The following ACSM6 variants were observed in gnomAD, a reference collection of about 807,000 sequenced individuals.
The protein encoded by ACSM6 is acyl-CoA synthetase medium chain family member 6.
Under a neutral mutation model 51.1 loss-of-function variants are expected in ACSM6, and 35 were observed. The ratio of observed to expected loss-of-function variants is 0.69; its 90% CI spans 0.52 to 0.91. The LOEUF is 0.91. ACSM6 is among the 40% of genes least tolerant of loss of function. The pLI is 0.00. For missense variants in ACSM6, 509 were observed against 584.1 expected (o/e 0.87, Z 1.32); for synonymous variants, 172 against 207.3 (o/e 0.83, Z 1.46).
chr10:95,216,205 A>T (rs971791644), intron 8 of ACSM6, among the ~76,000 whole-genome samples: 1 of 152,094 alleles, frequency 6.6e-6, no homozygotes, highest in African/African-American at 2.4e-5. Flanking sequence ...CATATCCAAG[A>T]TGACAGACAC....
intron 8 of ACSM6, among the ~76,000 whole-genome samples, chr10:95,217,540 G>A (rs1254672089): frequency 6.6e-6 from 1 of 151,976 alleles, no homozygotes; most frequent in Non-Finnish European, 1.5e-5. Context: ...GGGGGGCAGG[G>A]GGATTTCTTA....
chr10:95,201,281 C>G (rs1159408543), intron 2 of ACSM6, among the ~76,000 whole-genome samples: 2 of 152,136 alleles, frequency 1.3e-5, no homozygotes, highest in Non-Finnish European at 2.9e-5. Flanking sequence ...AAACAGTGAC[C>G]ATAGTACCAA....
chr10:95,207,650 C>T (rs1259573812), intron 4 of ACSM6, among the ~76,000 whole-genome samples: 1 of 152,124 alleles, frequency 6.6e-6, no homozygotes, highest in Admixed American at 6.5e-5. Flanking sequence ...CCTGGTCTGA[C>T]CTACAAGTTC....
At chr10:95,207,366 G>A (rs1270718616) in exon 4 of ACSM6, 3 of 1,614,164 alleles carry the variant, frequency 1.9e-6, no homozygotes, top group Non-Finnish European at 2.5e-6. Context: ...CAAGCTCCTG[G>A]TGTCAGATAA....
At chr10:95,212,734 C>A in intron 6 of ACSM6, 124 bp from the exon 7 acceptor site, 1 of 709,064 alleles carries the variant, frequency 1.4e-6, no homozygotes, top group Non-Finnish European at 2.5e-6. Flanking sequence ...AAAAGGCATC[C>A]CCAAGCTGAG....
At chr10:95,223,737 A>C (rs901334789) in intron 9 of ACSM6, among the ~76,000 whole-genome samples, 18 of 152,192 alleles carry the variant, frequency 1.2e-4, no homozygotes, top group Non-Finnish European at 2.4e-4. Context: ...ACAGTAAAAA[A>C]CTGAAAGTGC....
At chr10:95,209,522 C>T (rs988020316) in intron 4 of ACSM6, among the ~76,000 whole-genome samples, 3 of 152,084 alleles carry the variant, frequency 2.0e-5, no homozygotes, top group Non-Finnish European at 2.9e-5. Context: ...CTGTTGCTGT[C>T]GTCCAGATGA....
intron 2 of ACSM6, among the ~76,000 whole-genome samples, chr10:95,197,989 C>T (rs1031664614): frequency 7.9e-5 from 12 of 152,200 alleles, no homozygotes; most frequent in African/African-American, 1.7e-4. Flanking sequence ...TAACAAGGCA[C>T]GTCCTGCACA....
intron 2 of ACSM6, among the ~76,000 whole-genome samples, chr10:95,199,742 C>T (rs1209336477): frequency 2.6e-5 from 4 of 152,130 alleles, no homozygotes; most frequent in Non-Finnish European, 2.9e-5. Flanking sequence ...CCAACAGACA[C>T]ATGAAAAAAT....
At chr10:95,201,848 A>T (rs1445973880) in intron 2 of ACSM6, 137 bp from the exon 3 acceptor site, 1 of 682,672 alleles carries the variant, frequency 1.5e-6, no homozygotes, top group Non-Finnish European at 2.5e-6. Context: ...CAGTTGAGAA[A>T]CAGTAGCTCC....
chr10:95,198,070 C>A lies in ACSM6; in HGVS notation c.192+3393C>A, dbSNP rs148267990. On this transcript the variant is annotated intron_variant, in intron 2 of 10. Coordinates refer to ENST00000341686, the Ensembl canonical transcript of ACSM6. ...TGAGCTCCAGGTTGGGTCAAAGTAG[C>A]TGGGGCAAAGTGGCTGGGGCAAAGC... Among the ~76,000 whole-genome samples, 150 of 152,292 alleles carry A rather than the reference C, an allele frequency of 9.8e-4. 3 individuals are homozygous for A. In the East Asian group the frequency reaches 0.026, roughly 26 times the overall value.
chr10:95,219,794 C>A, intron 8 of ACSM6, 97 bp from the exon 9 acceptor site: 1 of 874,596 alleles, frequency 1.1e-6, no homozygotes, highest in Non-Finnish European at 1.8e-6. Context: ...TAATGTTGTT[C>A]TGTTAGGAGG....
chr10:95,224,877 T>C lies in ACSM6; in HGVS notation c.1201-413T>C, dbSNP rs540696690. On this transcript the variant is annotated intron_variant, in intron 9 of 10. Coordinates refer to ENST00000341686, the Ensembl canonical transcript of ACSM6. ...AAGATGGCTAATTAAGTGTCCTTGT[T>C]TGAAAGGCCTTTCTGAGATGCTGGC... Among the ~76,000 whole-genome samples the C allele has an allele frequency of 7.9e-5, 12 of 152,348 alleles. No homozygotes were observed. The East Asian group carries it at 2.3e-3, about 29-fold the overall frequency.
In ACSM6 at chr10:95,219,989, T is replaced by C. The variant is rs1564591377; in HGVS notation, c.1200+18T>C. 5 of 1,565,720 alleles carry C rather than the reference T, an allele frequency of 3.2e-6. No individual in the cohort carries two copies. Among genetic ancestry groups the C allele is most frequent in the South Asian group, 1.1e-5 (1 of 89,034 alleles). ...TTGTCCAGGTAGGAGATCATAGTAA[T>C]GATTATGACAGATATTATTAAGTGA... On this transcript the variant is annotated intron_variant, in intron 9 of 10. Transcript: ENST00000341686.
exon 10 of ACSM6, chr10:95,225,325 GGAA>G (rs1266928332): frequency 2.6e-6 from 4 of 1,551,518 alleles, no homozygotes; most frequent in Non-Finnish European, 3.5e-6. Flanking sequence ...TGCCTCCAGG[GGAA>G]GAAGGAAATA....
chr10:95,226,683 A>G (rs2035043438), intron 10 of ACSM6, among the ~76,000 whole-genome samples: 1 of 152,242 alleles, frequency 6.6e-6, no homozygotes, highest in African/African-American at 2.4e-5. Flanking sequence ...AGTCCATTTT[A>G]TCTATAAAGA....
At chr10:95,196,969 C>G (rs2034732371) in intron 2 of ACSM6, among the ~76,000 whole-genome samples, 1 of 152,018 alleles carries the variant, frequency 6.6e-6, no homozygotes, top group Admixed American at 6.5e-5. Flanking sequence ...CTTTGTGTAT[C>G]TATATTCTTT....
rs981638278 is a variant in ACSM6 at position 95,225,347 on chromosome 10, C to T, written c.1258C>T (p.Arg420Cys). The T allele has an allele frequency of 1.2e-4, 183 of 1,551,494 alleles. 1 individual carries two copies. Among genetic ancestry groups the T allele is most frequent in the Admixed American group, 1.1e-3 (58 of 50,978 alleles). ...AGGGGAAGAAGGAAATATTGCAATC[C>T]GCATAAAACTAAACCAACCTGCTTC... Residue 420 changes from arginine to cysteine, a missense_variant, in exon 10 of 11, where the codon CGC becomes TGC. Coordinates refer to ENST00000341686, the Ensembl canonical transcript of ACSM6.
chr10:95,222,638 A>T (rs976753978), intron 9 of ACSM6, among the ~76,000 whole-genome samples: 1 of 151,602 alleles, frequency 6.6e-6, no homozygotes, highest in Non-Finnish European at 1.5e-5. Flanking sequence ...AAAAAAAAAA[A>T]GTCTAACTCA....
Sources: gnomAD v4.1 joint callset for allele counts (sites outside exome capture counted in the v4.1 genomes callset) on GRCh38, gnomAD v4.1.1 for gene constraint, MANE v1.5 for transcripts, NCBI Gene and HGNC (gene_info 2026-07-23, HGNC 2026-07-21) for gene names.